PPP1CB: variants seen among roughly 807,000 people sequenced by gnomAD.
PPP1CB encodes the protein protein phosphatase 1 catalytic subunit beta.
In PPP1CB, 2 loss-of-function variants were observed where a neutral mutation model predicts 43.7. The observed-to-expected ratio is 0.05, with a 90% CI of 0.02 to 0.14. PPP1CB has a LOEUF of 0.14. PPP1CB is among the 10% of genes least tolerant of loss of function. The pLI, the probability that PPP1CB is intolerant of heterozygous loss-of-function variation, is 1.00. For missense variants in PPP1CB, 84 were observed against 398.0 expected, an observed-to-expected ratio of 0.21 and a Z score of 6.71; for synonymous variants, 136 against 135.6, an observed-to-expected ratio of 1.00 and a Z score of -0.02.
In PPP1CB at chr2:28,781,793, T is replaced by C; in HGVS notation, c.471T>C (p.Cys157=). 6.2e-7 allele frequency: 1 copy of C among 1,612,802 alleles called. No homozygotes were observed. The highest frequency in any genetic ancestry group is 8.5e-7 in the Non-Finnish European group (1 of 1,179,410). ...AGACCTTCACTGATTGTTTTAACTG[T>C]CTGCCTATAGCAGCCATTGTGGATG... ...LWKTFTDCFN[C]LPIAAIVDEK... Residue 157 remains cysteine, a synonymous_variant, in exon 4 of 8, where the codon TGT becomes TGC. Coordinates refer to ENST00000395366, the MANE Select transcript of PPP1CB (RefSeq NM_002709.3).
In PPP1CB at chr2:28,752,194, C is replaced by A; in HGVS notation, c.52+18C>A. On this transcript the variant is annotated intron_variant, in intron 1 of 7. Coordinates refer to ENST00000395366, the MANE Select transcript of PPP1CB (RefSeq NM_002709.3). ...GCTGGAGGGTGAGTGCGCGCCTGGC[C>A]GCGGGACAGAGGGAGGTCGGGCACC... The A allele has an allele frequency of 6.5e-7, 1 of 1,537,172 alleles. No individual in the cohort carries two copies. Among genetic ancestry groups the A allele is most frequent in the African/African-American group, 1.4e-5 (1 of 71,504 alleles).
intron 6 of PPP1CB, among the ~76,000 whole-genome samples, chr2:28,791,193 T>C (rs1231528901): frequency 1.3e-5 from 2 of 152,222 alleles, no homozygotes; most frequent in African/African-American, 4.8e-5. Context: ...TCCTAAGTGA[T>C]AAAAATGACT....
chr2:28,779,267 C>G (rs1667099564), intron 3 of PPP1CB, among the ~76,000 whole-genome samples: 1 of 152,144 alleles, frequency 6.6e-6, no homozygotes, highest in African/African-American at 2.4e-5. Context: ...TGAAGAGGCT[C>G]TTTTAAAATT....
upstream of PPP1CB, chr2:28,751,783 A>G (rs920900514): frequency 2.7e-6 from 1 of 371,348 alleles, no homozygotes; most frequent in Non-Finnish European, 5.0e-6. Context: ...GGACGTGCGG[A>G]GTGAGTGGCG....
chr2:28,783,493 C>A (rs1667197712), intron 4 of PPP1CB, among the ~76,000 whole-genome samples: 1 of 152,226 alleles, frequency 6.6e-6, no homozygotes, highest in South Asian at 2.1e-4. Context: ...CGCGGTGGCC[C>A]ACGCCTGTAA....
At chr2:28,784,383 A>T (rs999588570) in intron 5 of PPP1CB, among the ~76,000 whole-genome samples, 1 of 152,082 alleles carries the variant, frequency 6.6e-6, no homozygotes, top group Non-Finnish European at 1.5e-5. Context: ...TCAAATGTCT[A>T]GTAGTTTTTT....
chr2:28,758,269 A>G (rs1177706383), intron 1 of PPP1CB, among the ~76,000 whole-genome samples: 1 of 152,170 alleles, frequency 6.6e-6, no homozygotes, highest in Non-Finnish European at 1.5e-5. Flanking sequence ...TTCTGGGATT[A>G]CAGGCACCCA....
chr2:28,783,820 ATT>A, intron 4 of PPP1CB, 85 bp from the exon 5 acceptor site: 1 of 903,360 alleles, frequency 1.1e-6, no homozygotes, highest in Non-Finnish European at 1.8e-6. Flanking sequence ...TAGTGAATCT[ATT>A]TTGATTAAAT....
At chr2:28,759,409 A>G (rs1666585728) in intron 1 of PPP1CB, among the ~76,000 whole-genome samples, 1 of 151,228 alleles carries the variant, frequency 6.6e-6, no homozygotes, top group Non-Finnish European at 1.5e-5. Context: ...AATCCCAGTT[A>G]CTCAGGAGGC....
At chr2:28,763,207 A>G (rs1049394858) in intron 1 of PPP1CB, among the ~76,000 whole-genome samples, 7 of 152,214 alleles carry the variant, frequency 4.6e-5, no homozygotes, top group African/African-American at 7.2e-5. Context: ...CCATTTTATC[A>G]TGTAGATTAT....
Position 28,751,924 on chromosome 2 carries a change from C to G in PPP1CB, c.-201C>G. 1.6e-6 allele frequency: 1 copy of G among 617,646 alleles called. No homozygotes were observed. The highest frequency in any genetic ancestry group is 1.7e-5 in the South Asian group (1 of 57,748). 38.3% of individuals were successfully genotyped at this position (617,646 alleles called of 1,614,324 possible). A position where few individuals can be genotyped will look rare whatever the true frequency, so the allele number is the denominator to read the frequency against. The stretch of plus-strand genomic sequence containing the variant: ...CTCTCTTGTTTATTTATTTATTTTC[C>G]GTGGGTGCCTCCGAGTGTGCGCGCG... On this transcript the variant is annotated 5_prime_UTR_variant, in exon 1 of 8. Transcript: ENST00000395366.
intron 1 of PPP1CB, among the ~76,000 whole-genome samples, chr2:28,752,535 G>A (rs1049593002): frequency 6.6e-6 from 1 of 152,336 alleles, no homozygotes; most frequent in Admixed American, 6.5e-5. Context: ...GATGGGGAGA[G>A]GATGCCTGCC....
intron 1 of PPP1CB, among the ~76,000 whole-genome samples, chr2:28,768,317 TG>T (rs774071300): frequency 2.6e-5 from 4 of 152,230 alleles, no homozygotes; most frequent in African/African-American, 7.2e-5. Flanking sequence ...GGTGGAAGTT[TG>T]GGGCCACTAA....
rs542051753 is a variant in PPP1CB at position 28,770,625 on chromosome 2, T to C, written c.53-6226T>C. On this transcript the variant is annotated intron_variant, in intron 1 of 7. Transcript: ENST00000395366. ...TGACAACTATTATAAAAAGTTAAAA[T>C]AGACAAAACCACAACCATAGATCAG... Among the ~76,000 whole-genome samples, 7 of 152,134 alleles carry C rather than the reference T, an allele frequency of 4.6e-5. No individual in the cohort carries two copies. In the South Asian group the frequency reaches 1.2e-3, roughly 27 times the overall value.
intron 1 of PPP1CB, among the ~76,000 whole-genome samples, chr2:28,758,124 C>A (rs923682491): frequency 3.3e-5 from 5 of 150,818 alleles, no homozygotes; most frequent in African/African-American, 1.2e-4. Context: ...GGCTCACCTG[C>A]AGCCTCAACC....
intron 1 of PPP1CB, among the ~76,000 whole-genome samples, chr2:28,774,926 C>T (rs1326420396): frequency 6.6e-6 from 1 of 152,138 alleles, no homozygotes; most frequent in African/African-American, 2.4e-5. Flanking sequence ...GTCTTATAAA[C>T]TAGCATATTT....
At chr2:28,777,745 C>T (rs745576057) in intron 2 of PPP1CB, among the ~76,000 whole-genome samples, 3 of 152,170 alleles carry the variant, frequency 2.0e-5, no homozygotes, top group Non-Finnish European at 2.9e-5. Context: ...CTCCACCTCC[C>T]GGGCTCAAGT....
intron 1 of PPP1CB, among the ~76,000 whole-genome samples, chr2:28,770,504 A>G (rs1473029110): frequency 6.6e-6 from 1 of 152,128 alleles, no homozygotes; most frequent in Non-Finnish European, 1.5e-5. Flanking sequence ...GAGGTAAAGA[A>G]GGGCATTATA....
intron 5 of PPP1CB, among the ~76,000 whole-genome samples, chr2:28,784,337 C>A (rs906232145): frequency 6.6e-6 from 1 of 152,130 alleles, no homozygotes; most frequent in Non-Finnish European, 1.5e-5. Context: ...ATAATCTATT[C>A]TTTGCTTCTT....
Sources: gnomAD v4.1 joint callset for allele counts (sites outside exome capture counted in the v4.1 genomes callset) on GRCh38, gnomAD v4.1.1 for gene constraint, MANE v1.5 for transcripts, NCBI Gene and HGNC (gene_info 2026-07-23, HGNC 2026-07-21) for gene names.